Variants in SAMD4B observed in about 807,000 individuals in gnomAD.
SAMD4B encodes sterile alpha motif domain containing 4B, also known as protein Smaug homolog 2.
A neutral mutation model predicts 74.5 loss-of-function variants in SAMD4B; 5 were observed. The ratio of observed to expected loss-of-function variants is 0.07; its 90% CI spans 0.04 to 0.14. The LOEUF (loss-of-function observed/expected upper bound fraction) is 0.14. Ranked by LOEUF, SAMD4B falls within the 10% of genes least tolerant of loss-of-function variation. The pLI is 1.00. For synonymous variants in SAMD4B, 373 were observed against 374.9 expected, an observed-to-expected ratio of 1.00 and a Z score of 0.06; for missense variants, 608 against 921.8, an observed-to-expected ratio of 0.66 and a Z score of 4.41.
At chr19:39,369,419 GC>G in intron 3 of SAMD4B, 1 of 541,450 alleles carries the variant, frequency 1.8e-6, no homozygotes, top group Non-Finnish European at 3.3e-6. Context: ...CTGCACTGCA[GC>G]CTGGGCAACA....
In SAMD4B at chr19:39,384,039, C is replaced by G; in HGVS notation, c.*512C>G. On this transcript the variant is annotated 3_prime_UTR_variant, in exon 14 of 14. Transcript: ENST00000610417. ...AAGGAGAGGAAGCTCTCTCTCCTCT[C>G]CCTGCTTCCCCTTCACCATTCCCCA... 2.6e-6 allele frequency: 1 copy of G among 384,958 alleles called. No homozygotes were observed. The highest frequency in any genetic ancestry group is 4.1e-5 in the Admixed American group (1 of 24,444). 23.8% of individuals were successfully genotyped at this position (384,958 alleles called of 1,614,324 possible). A position where few individuals can be genotyped will look rare whatever the true frequency, so the allele number is the denominator to read the frequency against.
chr19:39,382,851 C>T (rs1292804728), intron 12 of SAMD4B, among the ~76,000 whole-genome samples: 2 of 152,160 alleles, frequency 1.3e-5, no homozygotes, highest in African/African-American at 4.8e-5. Context: ...AATCAGGGAG[C>T]CTTGGGGGCT....
chr19:39,389,790 T>C (rs1210899460), downstream of SAMD4B: 2 of 1,613,714 alleles, frequency 1.2e-6, no homozygotes, highest in South Asian at 2.2e-5. This position sits in a 1 kb window ranked among gnomAD's most constrained non-coding sequence, Gnocchi z 5.3. Flanking sequence ...ATTGTGGTGT[T>C]TGGATTCCAG....
At chr19:39,366,309 C>T (rs140584112) in intron 3 of SAMD4B, among the ~76,000 whole-genome samples, 2,689 of 151,704 alleles carry the variant, frequency 0.018, 38 homozygotes, top group Middle Eastern at 0.058. Flanking sequence ...AAGTGAGACT[C>T]CATCAAAAAA....
At chr19:39,344,278 C>G (rs1461033684) in intron 1 of SAMD4B, among the ~76,000 whole-genome samples, 2 of 152,102 alleles carry the variant, frequency 1.3e-5, no homozygotes, top group African/African-American at 4.8e-5. Flanking sequence ...CTGAAAAACC[C>G]TCTCCTCTGA....
chr19:39,357,904 C>G (rs746989117), intron 3 of SAMD4B, among the ~76,000 whole-genome samples: 4 of 152,214 alleles, frequency 2.6e-5, no homozygotes, highest in Non-Finnish European at 5.9e-5. Flanking sequence ...GCACCTTCTT[C>G]TTCAGAATAA....
At chr19:39,348,564 A>G (rs914640767) in intron 1 of SAMD4B, among the ~76,000 whole-genome samples, 1 of 152,238 alleles carries the variant, frequency 6.6e-6, no homozygotes, top group Non-Finnish European at 1.5e-5. Flanking sequence ...AAAGGCTGAC[A>G]GAAGCCAGAT....
At chr19:39,371,750 G>T (rs1002578039) in intron 4 of SAMD4B, among the ~76,000 whole-genome samples, 4 of 151,796 alleles carry the variant, frequency 2.6e-5, no homozygotes, top group Non-Finnish European at 4.4e-5. Context: ...CCAGGAGGTG[G>T]AGGTGGCAGT....
intron 3 of SAMD4B, among the ~76,000 whole-genome samples, chr19:39,366,771 T>G (rs1276572628): frequency 6.6e-6 from 1 of 152,114 alleles, no homozygotes; most frequent in Non-Finnish European, 1.5e-5. Context: ...ACTTTTTTTT[T>G]AAGTCAATCC....
downstream of SAMD4B, chr19:39,386,620 GT>G: frequency 1.2e-6 from 2 of 1,608,408 alleles, no homozygotes; most frequent in Non-Finnish European, 8.5e-7. The surrounding 1 kb of genome is among the most constrained non-coding windows in gnomAD (Gnocchi z 6.1). Flanking sequence ...GTTCTGCTGG[GT>G]TTTTGTCCCC....
At chr19:39,351,174 G>A (rs1289195373) in intron 1 of SAMD4B, 1 of 150,666 alleles carries the variant, frequency 6.6e-6, no homozygotes, top group Non-Finnish European at 1.5e-5. Flanking sequence ...TGTAGAGACG[G>A]GGTTTCACTG....
chr19:39,383,906 A>G lies in SAMD4B; in HGVS notation c.*379A>G, dbSNP rs2078155701. The G allele has an allele frequency of 1.7e-6, 1 of 593,648 alleles. No individual in the cohort carries two copies. The highest frequency in any genetic ancestry group is 2.8e-5 in the East Asian group (1 of 35,764). 36.8% of individuals were successfully genotyped at this position (593,648 alleles called of 1,614,324 possible). A position where few individuals can be genotyped will look rare whatever the true frequency, so the allele number is the denominator to read the frequency against. ...ACTCCCCAGAGACAAACTGACCACT[A>G]CCTTGTGGAGCCTGCTCAGAAACAT... On this transcript the variant is annotated 3_prime_UTR_variant, in exon 14 of 14. Transcript: ENST00000610417. This position sits in a 1 kb window ranked among gnomAD's most constrained non-coding sequence, Gnocchi z 4.1.
At chr19:39,357,403 A>G (rs1448935196) in intron 3 of SAMD4B, among the ~76,000 whole-genome samples, 1 of 152,220 alleles carries the variant, frequency 6.6e-6, no homozygotes, top group Admixed American at 6.5e-5. Flanking sequence ...TGAAAGGCGT[A>G]TAGAAGGTGA....
At chr19:39,369,577 G>T in intron 3 of SAMD4B, 78 bp from the exon 4 acceptor site, 2 of 1,113,964 alleles carry the variant, frequency 1.8e-6, no homozygotes, top group South Asian at 3.0e-5. Flanking sequence ...TGAGGGAATA[G>T]GCCATAGGCA....
At chr19:39,386,560 C>A (rs776227394), downstream of SAMD4B, 1 of 1,614,118 alleles carries the variant, frequency 6.2e-7, no homozygotes, top group Non-Finnish European at 8.5e-7. This position sits in a 1 kb window ranked among gnomAD's most constrained non-coding sequence, Gnocchi z 6.1. Context: ...TCTAGCTGGG[C>A]CTTCCGTGCC....
chr19:39,388,456 T>C (rs368290508), downstream of SAMD4B: 52 of 1,614,068 alleles, frequency 3.2e-5, 1 homozygote, highest in East Asian at 1.1e-4. Flanking sequence ...CCGAGCAATT[T>C]TGTAGTCATA....
chr19:39,376,582 G>A (rs757497585), intron 6 of SAMD4B, 36 bp downstream of exon 6: 1 of 1,593,820 alleles, frequency 6.3e-7, no homozygotes, highest in South Asian at 1.1e-5. Context: ...GGTGCTGGGG[G>A]CAGCGCTAGT....
At position 39,383,395 on chromosome 19, in the gene SAMD4B, G is replaced by C; in HGVS notation, c.2056+104G>C. 1 of 1,567,200 alleles carries C rather than the reference G, an allele frequency of 6.4e-7. No homozygotes were observed. The highest frequency in any genetic ancestry group is 8.8e-7 in the Non-Finnish European group (1 of 1,137,272). On this transcript the variant is annotated intron_variant, in intron 13 of 13. Transcript: ENST00000610417. The surrounding 1 kb of genome is among the most constrained non-coding windows in gnomAD (Gnocchi z 4.1). Reference sequence around the variant, plus strand: ...CCTGAGGGGTCCCCAGGGGAGGCCAGACTCCAGGGAGGGCCTGACTGGGAT... The same window carrying C: ...CCTGAGGGGTCCCCAGGGGAGGCCACACTCCAGGGAGGGCCTGACTGGGAT...
At chr19:39,388,193 T>C (rs879248832), downstream of SAMD4B, 3 of 766,712 alleles carry the variant, frequency 3.9e-6, no homozygotes, top group South Asian at 3.6e-5. Flanking sequence ...GTCCAGCTCA[T>C]GTGCATGACC....
Sources: allele counts gnomAD v4.1 joint callset (sites outside exome capture counted in the v4.1 genomes callset), GRCh38; gene constraint gnomAD v4.1.1; non-coding constraint Gnocchi (gnomAD v3.1); transcripts MANE v1.5; gene names NCBI Gene and HGNC (gene_info 2026-07-23, HGNC 2026-07-21).